The following RBM19 variants were observed in gnomAD, a reference collection of about 807,000 sequenced individuals.
RBM19 encodes RNA binding motif protein 19.
In RBM19, 94 loss-of-function variants were observed where a neutral mutation model predicts 116.8. That is an observed-to-expected ratio of 0.80 (90% confidence interval 0.68 to 0.95). The LOEUF is 0.95. Among genes scored for constraint, RBM19 ranks in the 40% least tolerant of loss-of-function variants. The pLI is 0.00. For synonymous variants in RBM19, 475 were observed against 494.1 expected (o/e 0.96, Z 0.51); for missense variants, 1,161 against 1,220.7 (o/e 0.95, Z 0.73).
chr12:113,841,283 T>C (rs930972400), intron 23 of RBM19, among the ~76,000 whole-genome samples: 1 of 152,222 alleles, frequency 6.6e-6, no homozygotes, highest in Non-Finnish European at 1.5e-5. Context: ...TGATTTGTTA[T>C]TCATTCTCTC....
At chr12:113,877,066 A>G (rs1879718057) in intron 21 of RBM19, among the ~76,000 whole-genome samples, 1 of 152,208 alleles carries the variant, frequency 6.6e-6, no homozygotes, top group East Asian at 1.9e-4. Flanking sequence ...CCAAGGTCCC[A>G]TGCCCCCACT....
At chr12:113,838,232 C>T (rs73393053) in intron 23 of RBM19, among the ~76,000 whole-genome samples, 4,534 of 152,286 alleles carry the variant, frequency 0.03, 218 homozygotes, top group African/African-American at 0.1. Flanking sequence ...ATTCACCCAG[C>T]GTGCATGGCT....
At chr12:113,925,318 G>A (rs902606263) in intron 17 of RBM19, among the ~76,000 whole-genome samples, 9 of 152,112 alleles carry the variant, frequency 5.9e-5, no homozygotes, top group Admixed American at 6.5e-5. Flanking sequence ...CCCAGGGGCC[G>A]GGGAGAAACT....
intron 23 of RBM19, among the ~76,000 whole-genome samples, chr12:113,835,596 C>T (rs1384952506): frequency 4.6e-5 from 7 of 152,222 alleles, no homozygotes; most frequent in Admixed American, 3.3e-4. Flanking sequence ...CTTCCCTGCT[C>T]CTCGCGAGGC....
At chr12:113,923,528 T>TG (rs1868779193) in intron 18 of RBM19, among the ~76,000 whole-genome samples, 1 of 152,214 alleles carries the variant, frequency 6.6e-6, no homozygotes, top group Non-Finnish European at 1.5e-5. Flanking sequence ...CCAGTACTTC[T>TG]GGGGAAAAGT....
intron 21 of RBM19, among the ~76,000 whole-genome samples, chr12:113,874,520 A>G (rs1200605297): frequency 6.6e-6 from 1 of 152,180 alleles, no homozygotes; most frequent in Non-Finnish European, 1.5e-5. Flanking sequence ...GTCTTATCTG[A>G]GGTCACAGGA....
At chr12:113,920,390 T>C (rs1305785764) in intron 19 of RBM19, among the ~76,000 whole-genome samples, 1 of 152,190 alleles carries the variant, frequency 6.6e-6, no homozygotes, top group African/African-American at 2.4e-5. Context: ...CCCTTGATAA[T>C]AGTGCTGTGG....
chr12:113,950,304 CTCT>C, intron 8 of RBM19, 150 bp from the exon 9 acceptor site: 1 of 637,034 alleles, frequency 1.6e-6, no homozygotes, highest in Non-Finnish European at 2.7e-6. Flanking sequence ...GGGTCTCCCT[CTCT>C]CTGTCTCCCA....
Position 113,959,224 on chromosome 12 carries a change from C to T in RBM19, c.559G>A (p.Glu187Lys). 1 of 1,611,222 alleles carries T rather than the reference C, an allele frequency of 6.2e-7. No individual in the cohort carries two copies. Among genetic ancestry groups the T allele is most frequent in the South Asian group, 1.1e-5 (1 of 90,926 alleles). The change falls in exon 5 of 24, where the codon GAG becomes AAG. Residue 187 changes from glutamate (E) to lysine (K), a missense_variant. Coordinates refer to ENST00000261741, the MANE Select transcript of RBM19 (RefSeq NM_016196.4). ...GQESEEEGAG[E>K]DLEEEASLEP... is the part of the protein sequence containing the mutation. ...CCCATGCCCTCACCTTCCAGGTCCT[C>T]CCCGGCTCCCTCCTCCTCACTCTCC...
intron 15 of RBM19, among the ~76,000 whole-genome samples, chr12:113,938,949 C>G (rs1449404421): frequency 6.6e-6 from 1 of 152,208 alleles, no homozygotes; most frequent in African/African-American, 2.4e-5. Context: ...TTCAAGCCAA[C>G]TAGCTTGTAA....
intron 2 of RBM19, among the ~76,000 whole-genome samples, chr12:113,961,919 G>C (rs1288589312): frequency 6.6e-6 from 1 of 152,246 alleles, no homozygotes; most frequent in Non-Finnish European, 1.5e-5. Flanking sequence ...GAATGGATGA[G>C]GTAGAGCTGT....
At chr12:113,939,473 G>A (rs912047572) in intron 15 of RBM19, among the ~76,000 whole-genome samples, 4 of 151,836 alleles carry the variant, frequency 2.6e-5, no homozygotes, top group Non-Finnish European at 5.9e-5. Context: ...CTCCCGGCCC[G>A]GCGCAGTGGC....
chr12:113,910,999 C>A (rs1882391821), intron 21 of RBM19, among the ~76,000 whole-genome samples: 1 of 149,606 alleles, frequency 6.7e-6, no homozygotes, highest in Non-Finnish European at 1.5e-5. Flanking sequence ...AACAACATGG[C>A]AAAACACACA....
intron 23 of RBM19, among the ~76,000 whole-genome samples, chr12:113,832,340 C>G (rs1441242887): frequency 6.6e-6 from 1 of 152,124 alleles, no homozygotes; most frequent in African/African-American, 2.4e-5. Flanking sequence ...CGGGCGCACG[C>G]CACCACACCT....
At chr12:113,821,584 T>G (rs1297736863), downstream of RBM19, among the ~76,000 whole-genome samples, 1 of 152,132 alleles carries the variant, frequency 6.6e-6, no homozygotes, top group Non-Finnish European at 1.5e-5. Flanking sequence ...TCCAGAAGGC[T>G]GTGGTTGATG....
chr12:113,828,849 C>T (rs1288819587), intron 23 of RBM19, among the ~76,000 whole-genome samples: 1 of 152,192 alleles, frequency 6.6e-6, no homozygotes, highest in Non-Finnish European at 1.5e-5. Context: ...GCAGAGCTCT[C>T]CTACCCAGAT....
intron 20 of RBM19, among the ~76,000 whole-genome samples, chr12:113,916,056 G>A (rs538527010): frequency 5.1e-4 from 78 of 152,152 alleles, no homozygotes; most frequent in African/African-American, 1.3e-3. Context: ...TCATTCTGGG[G>A]CTATGCTGTC....
intron 19 of RBM19, among the ~76,000 whole-genome samples, chr12:113,920,014 C>T (rs751065211): frequency 3.9e-5 from 6 of 152,178 alleles, no homozygotes; most frequent in African/African-American, 1.2e-4. Flanking sequence ...CCTGAACCGC[C>T]ACCCCACGCC....
At chr12:113,870,565 G>T (rs986912934) in intron 21 of RBM19, among the ~76,000 whole-genome samples, 3 of 152,260 alleles carry the variant, frequency 2.0e-5, no homozygotes, top group Admixed American at 1.3e-4. Context: ...AGGAGGGCAG[G>T]TGATGAGAAT....
Sources: gnomAD v4.1 joint callset for allele counts (sites outside exome capture counted in the v4.1 genomes callset) on GRCh38, gnomAD v4.1.1 for gene constraint, MANE v1.5 for transcripts, NCBI Gene and HGNC (gene_info 2026-07-23, HGNC 2026-07-21) for gene names.